Variants in TESPA1 observed in about 807,000 individuals in gnomAD.
TESPA1 encodes the protein protein TESPA1.
TESPA1 carries 33 observed loss-of-function variants against 57.9 expected under a neutral mutation model. The ratio of observed to expected loss-of-function variants is 0.57; its 90% CI spans 0.43 to 0.76. The LOEUF (loss-of-function observed/expected upper bound fraction) is 0.76. Ranked by LOEUF, TESPA1 falls within the 30% of genes least tolerant of loss-of-function variation. The pLI is 0.00. For missense variants in TESPA1, 618 were observed against 632.9 expected (o/e 0.98, Z 0.25); for synonymous variants, 227 against 228.9 (o/e 0.99, Z 0.07).
chr12:54,954,559 T>C (rs1018515662), intron 10 of TESPA1, among the ~76,000 whole-genome samples: 3 of 152,344 alleles, frequency 2.0e-5, no homozygotes, highest in African/African-American at 7.2e-5. Context: ...AACATTCACA[T>C]AGAAAGCAAT....
intron 10 of TESPA1, among the ~76,000 whole-genome samples, chr12:54,954,146 C>T (rs1950590301): frequency 6.6e-6 from 1 of 152,136 alleles, no homozygotes; most frequent in Non-Finnish European, 1.5e-5. Context: ...GAGGCTTGCC[C>T]TGATCCACAG....
At chr12:54,984,395 AG>A (rs1952423376) in intron 1 of TESPA1, among the ~76,000 whole-genome samples, 189 bp downstream of exon 1, 1 of 152,178 alleles carries the variant, frequency 6.6e-6, no homozygotes, top group Non-Finnish European at 1.5e-5. Flanking sequence ...CGAAAGCAAA[AG>A]GGCACCCAGC....
intron 10 of TESPA1, among the ~76,000 whole-genome samples, chr12:54,951,183 C>G (rs1950364247): frequency 6.6e-6 from 1 of 152,154 alleles, no homozygotes; most frequent in African/African-American, 2.4e-5. Context: ...GCAGATTTCC[C>G]CCTTGCTGTT....
In TESPA1 at chr12:54,966,139, C is replaced by T; in HGVS notation, c.360G>A (p.Glu120=). 2 of 1,568,666 alleles carry T rather than the reference C, an allele frequency of 1.3e-6. No homozygotes were observed. The highest frequency in any genetic ancestry group is 1.7e-6 in the Non-Finnish European group (2 of 1,156,000). Residue 120 remains glutamate, a synonymous_variant, in exon 7 of 11, where the codon GAG becomes GAA. Transcript: ENST00000449076. Reference sequence around the variant, plus strand: ...CAAGTAGCTGGCAAGGCCTGGCTGTCTCGAGGAAACTCCTGCAGAGATCAA... The same window carrying T: ...CAAGTAGCTGGCAAGGCCTGGCTGTTTCGAGGAAACTCCTGCAGAGATCAA... The part of the protein sequence containing the change: ...NGKLFSRSFL[E]TARPCQLLDL...
intron 3 of TESPA1, among the ~76,000 whole-genome samples, chr12:54,970,654 A>T (rs1393889206): frequency 6.6e-6 from 1 of 152,200 alleles, no homozygotes; most frequent in Non-Finnish European, 1.5e-5. Flanking sequence ...CGGATAGGCC[A>T]TAAAATCAAT....
chr12:54,960,401 C>G (rs1950998658), intron 10 of TESPA1, among the ~76,000 whole-genome samples: 1 of 152,094 alleles, frequency 6.6e-6, no homozygotes, highest in Admixed American at 6.5e-5. Context: ...TCATTTCCTG[C>G]TTTGAGGAGG....
chr12:54,955,935 C>T (rs932875862), intron 10 of TESPA1, among the ~76,000 whole-genome samples: 1 of 147,264 alleles, frequency 6.8e-6, no homozygotes, highest in Admixed American at 6.8e-5. Flanking sequence ...GACTGTCCCT[C>T]TTCAGAATTT....
chr12:54,978,589 A>T (rs1206408840), intron 1 of TESPA1, among the ~76,000 whole-genome samples: 1 of 152,232 alleles, frequency 6.6e-6, no homozygotes, highest in Non-Finnish European at 1.5e-5. Flanking sequence ...GCTCCTGCAC[A>T]TGCGACCTTC....
In TESPA1 at chr12:54,962,716, A is replaced by C. The variant is rs763806542; in HGVS notation, c.1182T>G (p.Ser394=). Residue 394 remains serine, a synonymous_variant, in exon 9 of 11, where the codon TCT becomes TCG. Coordinates refer to ENST00000449076, the MANE Select transcript of TESPA1 (RefSeq NM_001136030.3). ...SNPKVPCCTH[S]LPIEDPQWST... Reference sequence around the variant, plus strand: ...TCCACTGTGGATCTTCTATGGGCAGAGAATGTGTGCAACAGGGTACCTTGG... The same window carrying C: ...TCCACTGTGGATCTTCTATGGGCAGCGAATGTGTGCAACAGGGTACCTTGG... 1 of 1,613,926 alleles carries C rather than the reference A, an allele frequency of 6.2e-7. No homozygotes were observed. The highest frequency in any genetic ancestry group is 1.3e-5 in the African/African-American group (1 of 75,008).
In TESPA1 at chr12:54,962,968, G is replaced by A. The variant is rs1346914738; in HGVS notation, c.930C>T (p.Asn310=). The change falls in exon 9 of 11, where the codon AAC becomes AAT. Residue 310 remains asparagine, a synonymous_variant. Transcript: ENST00000449076. ...PPPPHNTPKR[N]SLDQVVLEVM... is the part of the protein sequence containing the mutation. ...CTTCCAACACAACTTGGTCCAAACT[G>A]TTCCTTTTGGGGGTGTTGTGGGGTG... is the stretch of plus-strand genomic sequence containing the variant. The A allele has an allele frequency of 1.2e-6, 2 of 1,613,434 alleles. No homozygotes were observed. The highest frequency in any genetic ancestry group is 1.1e-5 in the South Asian group (1 of 91,044).
intron 7 of TESPA1, among the ~76,000 whole-genome samples, chr12:54,965,332 T>C (rs1951357130): frequency 6.6e-6 from 1 of 152,170 alleles, no homozygotes; most frequent in Non-Finnish European, 1.5e-5. Context: ...TTTTTCCCAA[T>C]GGTCTCCCTC....
intron 1 of TESPA1, among the ~76,000 whole-genome samples, chr12:54,977,010 G>T (rs1238369495): frequency 6.6e-6 from 1 of 151,956 alleles, no homozygotes; most frequent in Non-Finnish European, 1.5e-5. Flanking sequence ...CCTCCATGGA[G>T]CCATGCCTGG....
intron 3 of TESPA1, among the ~76,000 whole-genome samples, chr12:54,969,023 A>G (rs199654235): frequency 0.028 from 1,948 of 70,458 alleles, 73 homozygotes; most frequent in African/African-American, 0.14. Flanking sequence ...TTATATATGT[A>G]TATATATATA....
At chr12:54,983,484 C>A (rs1420642637) in intron 1 of TESPA1, among the ~76,000 whole-genome samples, 1 of 152,150 alleles carries the variant, frequency 6.6e-6, no homozygotes, top group Non-Finnish European at 1.5e-5. Flanking sequence ...GAGTCTGATA[C>A]TTGGACACAC....
intron 10 of TESPA1, among the ~76,000 whole-genome samples, chr12:54,955,911 T>C (rs1950702668): frequency 6.6e-6 from 1 of 152,070 alleles, no homozygotes; most frequent in Non-Finnish European, 1.5e-5. Flanking sequence ...AATCTCTTCT[T>C]ACACTTCACA....
intron 4 of TESPA1, 77 bp downstream of exon 4, chr12:54,967,766 A>G: frequency 6.6e-7 from 1 of 1,520,060 alleles, no homozygotes; most frequent in Non-Finnish European, 9.1e-7. Flanking sequence ...TATGTGCATA[A>G]ACACTCACAT....
intron 9 of TESPA1, 46 bp from the exon 10 acceptor site, chr12:54,961,313 G>T: frequency 6.2e-7 from 1 of 1,609,756 alleles, no homozygotes; most frequent in African/African-American, 1.3e-5. Context: ...AAGGGGGAAA[G>T]GGGGTAAGGA....
chr12:54,966,236 C>A, intron 6 of TESPA1, 85 bp from the exon 7 acceptor site: 1 of 1,560,894 alleles, frequency 6.4e-7, no homozygotes, highest in South Asian at 1.1e-5. Context: ...ACTTATTCAC[C>A]CCCTGAACAG....
At chr12:54,973,267 A>T (rs1951951520) in intron 3 of TESPA1, among the ~76,000 whole-genome samples, 1 of 152,188 alleles carries the variant, frequency 6.6e-6, no homozygotes, top group African/African-American at 2.4e-5. Flanking sequence ...TGCCTAATTT[A>T]GTCTTAGCCC....
Sources: gnomAD v4.1 joint callset for allele counts (sites outside exome capture counted in the v4.1 genomes callset) on GRCh38, gnomAD v4.1.1 for gene constraint, MANE v1.5 for transcripts, NCBI Gene and HGNC (gene_info 2026-07-23, HGNC 2026-07-21) for gene names.